The following CPNE8 variants were observed in gnomAD, a reference collection of about 807,000 sequenced individuals.
The protein encoded by CPNE8 is copine 8, also known as copine-8.
Under a neutral mutation model 81.5 loss-of-function variants are expected in CPNE8, and 45 were observed. The ratio of observed to expected loss-of-function variants is 0.55; its 90% confidence interval spans 0.44 to 0.71. The LOEUF is 0.71. CPNE8 is among the 30% of genes least tolerant of loss of function. CPNE8 has a pLI of 0.00. For synonymous variants in CPNE8, 252 were observed against 226.3 expected, an observed-to-expected ratio of 1.11 and a Z score of -1.02; for missense variants, 594 against 672.1, an observed-to-expected ratio of 0.88 and a Z score of 1.28.
At position 38,704,826 on chromosome 12, in the gene CPNE8, GTATATATATA is replaced by G. The variant is rs573232937; in HGVS notation, c.915-1915_915-1906del. Among the ~76,000 whole-genome samples the G allele has an allele frequency of 3.4e-4, 17 of 50,196 alleles. 2 individuals are homozygous for G. Among genetic ancestry groups the G allele is most frequent in the South Asian group, 1.6e-3 (2 of 1,220 alleles). 32.9% of individuals were successfully genotyped at this position (50,196 alleles called of 152,430 possible). ...GGACCATCTGTGTGTGTATGTATGTGTATATATATATATATATATATATATATATATATAT... is the reference window on the plus strand; with the variant it reads ...GGACCATCTGTGTGTGTATGTATGTGTATATATATATATATATATATATAT... On this transcript the variant is annotated intron_variant, in intron 13 of 19. Coordinates refer to ENST00000331366, the MANE Select transcript of CPNE8 (RefSeq NM_153634.3).
chr12:38,699,717 AC>A (rs1380858130), intron 14 of CPNE8, among the ~76,000 whole-genome samples: 3 of 152,008 alleles, frequency 2.0e-5, no homozygotes, highest in Non-Finnish European at 4.4e-5. Context: ...TTTACAAATT[AC>A]TATGAACTAT....
At chr12:38,903,872 C>G (rs1392148048) in intron 1 of CPNE8, among the ~76,000 whole-genome samples, 2 of 152,150 alleles carry the variant, frequency 1.3e-5, no homozygotes, top group South Asian at 4.2e-4. Flanking sequence ...AGCAATGAGG[C>G]AAGAGCTTAA....
At chr12:38,674,113 C>A (rs540375338) in intron 18 of CPNE8, among the ~76,000 whole-genome samples, 7 of 152,024 alleles carry the variant, frequency 4.6e-5, no homozygotes, top group Non-Finnish European at 1.0e-4. Flanking sequence ...AAAACCCTAA[C>A]AAATTTGCTG....
At chr12:38,656,229 T>A (rs1938814926) in intron 19 of CPNE8, among the ~76,000 whole-genome samples, 1 of 151,836 alleles carries the variant, frequency 6.6e-6, no homozygotes, top group Non-Finnish European at 1.5e-5. Context: ...GTAACTATAA[T>A]TTACTTAATT....
intron 19 of CPNE8, among the ~76,000 whole-genome samples, chr12:38,664,077 G>A (rs377623427): frequency 5.9e-5 from 9 of 152,110 alleles, no homozygotes; most frequent in African/African-American, 1.2e-4. Flanking sequence ...TAGGGTTACC[G>A]TAGTTAATGA....
At chr12:38,781,461 TA>T (rs1942051683) in intron 6 of CPNE8, among the ~76,000 whole-genome samples, 1 of 151,966 alleles carries the variant, frequency 6.6e-6, no homozygotes, top group Admixed American at 6.6e-5. Context: ...TCTCAGAAAA[TA>T]AAACTAATTC....
chr12:38,798,517 C>A (rs1942563812), intron 6 of CPNE8, among the ~76,000 whole-genome samples: 1 of 151,870 alleles, frequency 6.6e-6, no homozygotes, highest in South Asian at 2.1e-4. Context: ...GTTGTCACCA[C>A]CAGGCCTGCC....
At chr12:38,700,239 CT>C (rs34234420) in intron 14 of CPNE8, among the ~76,000 whole-genome samples, 3,393 of 131,122 alleles carry the variant, frequency 0.026, 117 homozygotes, top group African/African-American at 0.088. Flanking sequence ...AAGTCCCCTT[CT>C]TTTTTTTTTT....
At chr12:38,802,872 C>G (rs1215012166) in intron 6 of CPNE8, among the ~76,000 whole-genome samples, 1 of 147,512 alleles carries the variant, frequency 6.8e-6, no homozygotes, top group Non-Finnish European at 1.5e-5. Context: ...GAGAATACTA[C>G]AAACACCTCT....
At chr12:38,791,136 A>G (rs1942313101) in intron 6 of CPNE8, among the ~76,000 whole-genome samples, 1 of 151,674 alleles carries the variant, frequency 6.6e-6, no homozygotes. Context: ...TTATTAAATA[A>G]GATGTAACTG....
intron 10 of CPNE8, among the ~76,000 whole-genome samples, chr12:38,734,975 A>G (rs1294646626): frequency 1.3e-5 from 2 of 152,112 alleles, no homozygotes; most frequent in African/African-American, 4.8e-5. Context: ...AGTACACCGC[A>G]GTGTAACATG....
At chr12:38,874,137 G>A (rs141063908) in intron 2 of CPNE8, among the ~76,000 whole-genome samples, 5 of 151,764 alleles carry the variant, frequency 3.3e-5, no homozygotes, top group East Asian at 1.9e-4. Flanking sequence ...AAAAAGAAAC[G>A]TATTACTCTG....
intron 10 of CPNE8, among the ~76,000 whole-genome samples, chr12:38,755,415 C>T (rs1941435102): frequency 6.6e-6 from 1 of 152,142 alleles, no homozygotes; most frequent in Admixed American, 6.5e-5. Context: ...CACTGTTCCA[C>T]TAATGCTCCC....
At chr12:38,843,913 G>A (rs1943512705) in intron 4 of CPNE8, among the ~76,000 whole-genome samples, 1 of 152,026 alleles carries the variant, frequency 6.6e-6, no homozygotes, top group Non-Finnish European at 1.5e-5. Flanking sequence ...TTGAGATTAA[G>A]GTTTTAAAAT....
At chr12:38,779,935 A>G (rs530406900) in intron 6 of CPNE8, among the ~76,000 whole-genome samples, 4 of 152,098 alleles carry the variant, frequency 2.6e-5, no homozygotes, top group Non-Finnish European at 4.4e-5. Flanking sequence ...ATAAGCAAGA[A>G]TATTTGGAAC....
intron 5 of CPNE8, 34 bp from the exon 6 acceptor site, chr12:38,829,489 T>A (rs1208714708): frequency 1.5e-5 from 22 of 1,427,738 alleles, no homozygotes; most frequent in Non-Finnish European, 2.2e-5. Context: ...GCTCATAAGT[T>A]TCCAAACTAT....
intron 19 of CPNE8, among the ~76,000 whole-genome samples, chr12:38,665,766 C>T (rs576005966): frequency 6.6e-6 from 1 of 152,202 alleles, no homozygotes; most frequent in East Asian, 1.9e-4. Context: ...AAATAGAAAG[C>T]CTTTACGTAT....
chr12:38,788,455 T>A (rs1942248551), intron 6 of CPNE8, among the ~76,000 whole-genome samples: 1 of 151,846 alleles, frequency 6.6e-6, no homozygotes, highest in South Asian at 2.1e-4. Flanking sequence ...AAGAAACATA[T>A]TTCAACATAA....
chr12:38,869,173 A>G (rs965485814), intron 3 of CPNE8, among the ~76,000 whole-genome samples: 4 of 152,194 alleles, frequency 2.6e-5, no homozygotes, highest in African/African-American at 9.6e-5. Context: ...TTTGAGGCCA[A>G]GTAAATCCCA....
Sources: gnomAD v4.1 joint callset for allele counts (sites outside exome capture counted in the v4.1 genomes callset) on GRCh38, gnomAD v4.1.1 for gene constraint, MANE v1.5 for transcripts, NCBI Gene and HGNC (gene_info 2026-07-23, HGNC 2026-07-21) for gene names.